The following BCL7A variants were observed in gnomAD, a reference collection of about 807,000 sequenced individuals.
BCL7A encodes the protein BAF chromatin remodeling complex subunit BCL7A, also known as B-cell CLL/lymphoma 7 protein family member A.
Under a neutral mutation model 28.4 loss-of-function variants are expected in BCL7A, and 11 were observed. The observed-to-expected ratio is 0.39, with a 90% CI of 0.24 to 0.64. BCL7A has a LOEUF of 0.64. Ranked by LOEUF, BCL7A falls within the 30% of genes least tolerant of loss-of-function variation. BCL7A has a pLI of 0.50. For synonymous variants in BCL7A, 123 were observed against 103.3 expected (o/e 1.19, Z -1.15); for missense variants, 222 against 274.8 (o/e 0.81, Z 1.36).
intron 2 of BCL7A, among the ~76,000 whole-genome samples, chr12:122,033,757 A>G (rs1388967078): frequency 1.3e-5 from 2 of 152,188 alleles, no homozygotes; most frequent in Non-Finnish European, 2.9e-5. Context: ...ATGCCTGGCC[A>G]GAAGTCACTG....
At chr12:122,027,236 T>C (rs1883648336) in intron 1 of BCL7A, among the ~76,000 whole-genome samples, 1 of 152,322 alleles carries the variant, frequency 6.6e-6, no homozygotes, top group African/African-American at 2.4e-5. Context: ...TTTTCAAGAG[T>C]AGCCAGAAGT....
At chr12:122,025,826 A>C (rs577184814) in intron 1 of BCL7A, among the ~76,000 whole-genome samples, 1 of 151,366 alleles carries the variant, frequency 6.6e-6, no homozygotes, top group South Asian at 2.1e-4. Flanking sequence ...ACACGCCTGT[A>C]ATCCCAGCTA....
intron 3 of BCL7A, among the ~76,000 whole-genome samples, chr12:122,042,195 C>T (rs1026283881): frequency 2.6e-5 from 4 of 152,168 alleles, no homozygotes; most frequent in Admixed American, 6.5e-5. Context: ...CCTTCTCTTT[C>T]TTCTTTGTAT....
Position 122,043,945 on chromosome 12 carries a change from A to G in BCL7A, c.331A>G (p.Ser111Gly). 1.2e-6 allele frequency: 2 copies of G among 1,613,974 alleles called. No homozygotes were observed. Among genetic ancestry groups the G allele is most frequent in the Non-Finnish European group, 1.7e-6 (2 of 1,180,024 alleles). The change falls in exon 4 of 6, where the codon AGC becomes GGC. Residue 111 changes from serine to glycine, a missense_variant. Physicochemically the swap from Ser to Gly is moderately conservative, Grantham distance 56 (BLOSUM62 0). Coordinates refer to ENST00000261822, the MANE Select transcript of BCL7A (RefSeq NM_001024808.3). ...DASPIKQENS[S>G]NSSPAPEPNS... ...CTCCCCCATCAAACAGGAGAACAGC[A>G]GCAACTCCAGCCCCGCTCCAGAGCC...
rs779115970 is a variant in BCL7A, at chr12:122,061,479, C to T, written c.*2316C>T. The T allele has an allele frequency of 2.2e-5, 5 of 232,532 alleles. No individual in the cohort carries two copies. The highest frequency in any genetic ancestry group is 4.2e-5 in the Non-Finnish European group (5 of 117,658). The allele number at this position is 232,532 out of a possible 1,614,324, so 14.4% of individuals were successfully genotyped here. A position where few individuals can be genotyped will look rare whatever the true frequency, so the allele number is the denominator to read the frequency against. On this transcript the variant is annotated 3_prime_UTR_variant, in exon 6 of 6. Coordinates refer to ENST00000261822, the MANE Select transcript of BCL7A (RefSeq NM_001024808.3). ...TGCACTCCACGCTGGCCAAGAAGGC[C>T]TTCCACGCAGAATGACAAGACTGCA...
chr12:122,049,499 T>C (rs1450595875), intron 4 of BCL7A, among the ~76,000 whole-genome samples: 2 of 151,892 alleles, frequency 1.3e-5, no homozygotes, highest in Non-Finnish European at 2.9e-5. Context: ...CTGGCCAACA[T>C]AGTGAAACCC....
chr12:122,058,504 C>A (rs1951894020), intron 5 of BCL7A, among the ~76,000 whole-genome samples: 1 of 150,196 alleles, frequency 6.7e-6, no homozygotes, highest in Admixed American at 6.6e-5. Flanking sequence ...ACTAAAAATA[C>A]AAAAATTAGC....
Position 122,060,498 on chromosome 12 carries a change from C to G in BCL7A, c.*1335C>G, listed in dbSNP as rs989521163. 1 of 233,316 alleles carries G rather than the reference C, an allele frequency of 4.3e-6. No individual in the cohort carries two copies. The highest frequency in any genetic ancestry group is 8.5e-6 in the Non-Finnish European group (1 of 117,858). The allele number at this position is 233,316 out of a possible 1,614,324, so 14.5% of individuals were successfully genotyped here. A position where few individuals can be genotyped will look rare whatever the true frequency, so the allele number is the denominator to read the frequency against. On this transcript the variant is annotated 3_prime_UTR_variant, in exon 6 of 6. Coordinates refer to ENST00000261822, the MANE Select transcript of BCL7A (RefSeq NM_001024808.3). ...CTTCCTCTCACTGAACGGAGACGCCCCCTTGGACGAACTGCCTAATCGTTT... is the reference window on the plus strand; with the variant it reads ...CTTCCTCTCACTGAACGGAGACGCCGCCTTGGACGAACTGCCTAATCGTTT...
intron 5 of BCL7A, among the ~76,000 whole-genome samples, chr12:122,056,807 A>G (rs1332300301): frequency 1.3e-5 from 2 of 152,084 alleles, no homozygotes; most frequent in African/African-American, 4.8e-5. Flanking sequence ...CCCTGTCTCA[A>G]AAAAATAAAT....
intron 4 of BCL7A, among the ~76,000 whole-genome samples, chr12:122,049,148 G>T (rs532232726): frequency 6.8e-6 from 1 of 147,066 alleles, no homozygotes; most frequent in South Asian, 2.2e-4. Context: ...GATTGCTTGA[G>T]CCTGGGAGGT....
rs1883829618 is a variant in BCL7A, at chr12:122,035,379, G to A, written c.223G>A (p.Val75Met). 1 of 1,614,194 alleles carries A rather than the reference G, an allele frequency of 6.2e-7. No homozygotes were observed. Among genetic ancestry groups the A allele is most frequent in the Non-Finnish European group, 8.5e-7 (1 of 1,180,030 alleles). ...CAAGGACGAGAAGTGTGGCTCAGAG[G>A]TGACCACTCCGGAGAACAGTTCCTC... ...KGKDEKCGSE[V>M]TTPENSSSPG... Residue 75 changes from valine to methionine, a missense_variant, in exon 3 of 6, where the codon GTG becomes ATG. Coordinates refer to ENST00000261822, the MANE Select transcript of BCL7A (RefSeq NM_001024808.3).
chr12:122,049,419 T>C (rs1884146969), intron 4 of BCL7A, among the ~76,000 whole-genome samples: 1 of 151,784 alleles, frequency 6.6e-6, no homozygotes, highest in African/African-American at 2.4e-5. Flanking sequence ...TGGTGGCTCA[T>C]ACCTGTATTC....
In BCL7A at chr12:122,022,005, C is replaced by T; in HGVS notation, c.-87C>T. ...GAGTGTCTGTGCGCGAGTGAGTGAG[C>T]GGCGGGCGGGCGCGAGTGTGGCCGC... On this transcript the variant is annotated 5_prime_UTR_variant, in exon 1 of 6. Transcript: ENST00000261822. The T allele has an allele frequency of 7.1e-6, 8 of 1,124,878 alleles. No homozygotes were observed. Among genetic ancestry groups the T allele is most frequent in the South Asian group, 2.8e-5 (2 of 70,252 alleles). 69.7% of individuals were successfully genotyped at this position (1,124,878 alleles called of 1,614,324 possible).
chr12:122,043,008 C>CT lies in BCL7A; in HGVS notation c.272-864dup, dbSNP rs1247246256. ...TCTAAAGTCATCTCCCCTCCCCCAACTTTTTTTTTTTTTTAAATATGATAC... is the reference window on the plus strand; with the variant it reads ...TCTAAAGTCATCTCCCCTCCCCCAACTTTTTTTTTTTTTTTAAATATGATAC... On this transcript the variant is annotated intron_variant, in intron 3 of 5. Coordinates refer to ENST00000261822, the MANE Select transcript of BCL7A (RefSeq NM_001024808.3). 9.4e-4 allele frequency among the ~76,000 whole-genome samples: 136 copies of CT among 145,116 alleles called. No homozygotes were observed. The Middle Eastern group carries it at 0.014, about 15-fold the overall frequency.
At chr12:122,049,345 G>A (rs1884145252) in intron 4 of BCL7A, among the ~76,000 whole-genome samples, 1 of 151,918 alleles carries the variant, frequency 6.6e-6, no homozygotes, top group South Asian at 2.1e-4. Context: ...CAGGAATTTG[G>A]AAGGCCTCCC....
intron 3 of BCL7A, among the ~76,000 whole-genome samples, chr12:122,041,734 A>C (rs1883969278): frequency 6.6e-6 from 1 of 152,200 alleles, no homozygotes; most frequent in Non-Finnish European, 1.5e-5. Flanking sequence ...GCTGTACTCC[A>C]GCCTGGGCAA....
chr12:122,061,208 C>T lies in BCL7A; in HGVS notation c.*2045C>T, dbSNP rs2135865891. The T allele has an allele frequency of 4.4e-6, 1 of 229,424 alleles. No homozygotes were observed. Among genetic ancestry groups the T allele is most frequent in the East Asian group, 6.2e-5 (1 of 16,114 alleles). 14.2% of individuals were successfully genotyped at this position (229,424 alleles called of 1,614,324 possible). Reference sequence around the variant, plus strand: ...GTTTTTGGGAAACGAGAGGCTACAACCAAGACAGCTGAAGGAGAATGAAAC... The same window carrying T: ...GTTTTTGGGAAACGAGAGGCTACAATCAAGACAGCTGAAGGAGAATGAAAC... On this transcript the variant is annotated 3_prime_UTR_variant, in exon 6 of 6. Transcript: ENST00000261822.
intron 1 of BCL7A, among the ~76,000 whole-genome samples, chr12:122,023,166 G>A (rs1230091821): frequency 6.6e-6 from 1 of 152,226 alleles, no homozygotes; most frequent in Non-Finnish European, 1.5e-5. Context: ...CGGCCCCTGG[G>A]CCAGGCCCGA....
Position 122,022,076 on chromosome 12 carries a change from T to C in BCL7A, c.-16T>C. On this transcript the variant is annotated 5_prime_UTR_variant, in exon 1 of 6. Coordinates refer to ENST00000261822, the MANE Select transcript of BCL7A (RefSeq NM_001024808.3). Reference sequence around the variant, plus strand: ...CGGCGGGCGCGCTCCCCAGCCTCCGTCTCCCCGCCGGAACCATGTCGGGCA... The same window carrying C: ...CGGCGGGCGCGCTCCCCAGCCTCCGCCTCCCCGCCGGAACCATGTCGGGCA... 1 of 1,541,094 alleles carries C rather than the reference T, an allele frequency of 6.5e-7. No homozygotes were observed. Among genetic ancestry groups the C allele is most frequent in the Non-Finnish European group, 8.8e-7 (1 of 1,142,734 alleles).
Sources: allele counts gnomAD v4.1 joint callset (sites outside exome capture counted in the v4.1 genomes callset), GRCh38; gene constraint gnomAD v4.1.1; transcripts MANE v1.5; gene names NCBI Gene and HGNC (gene_info 2026-07-23, HGNC 2026-07-21).